The following ARHGAP15 variants were observed in gnomAD, a reference collection of about 807,000 sequenced individuals.
The protein encoded by ARHGAP15 is rho GTPase-activating protein 15.
ARHGAP15 carries 51 observed loss-of-function variants against 63.7 expected under a neutral mutation model. The ratio of observed to expected loss-of-function variants is 0.80; its 90% confidence interval spans 0.64 to 1.01. The LOEUF is 1.01. ARHGAP15 is among the 50% of genes least tolerant of loss of function. The pLI is 0.00. For missense variants in ARHGAP15, 560 were observed against 564.6 expected, an observed-to-expected ratio of 0.99 and a Z score of 0.08; for synonymous variants, 191 against 193.8, an observed-to-expected ratio of 0.99 and a Z score of 0.12.
At chr2:143,408,137 A>G (rs558789475) in intron 6 of ARHGAP15, among the ~76,000 whole-genome samples, 2 of 148,634 alleles carry the variant, frequency 1.3e-5, no homozygotes, top group East Asian at 3.9e-4. Context: ...TAATCTTGGT[A>G]TAGAAAGGGT....
intron 11 of ARHGAP15, among the ~76,000 whole-genome samples, chr2:143,600,313 T>A (rs1378425919): frequency 6.6e-6 from 1 of 152,188 alleles, no homozygotes; most frequent in African/African-American, 2.4e-5. Context: ...CCATCTTCAA[T>A]AGTTCCTATT....
In ARHGAP15 at chr2:143,228,568, T is replaced by C. The variant is rs757085970; in HGVS notation, c.297-13T>C. 4 of 1,576,698 alleles carry C rather than the reference T, an allele frequency of 2.5e-6. No individual in the cohort carries two copies. In the South Asian group the frequency reaches 3.4e-5, roughly 13 times the overall value. ...GATAATGCTTTCTTTCCCTTTTATT[T>C]TTTTGTCCTAAGGAAAAACTGGTCT... On this transcript the variant is annotated splice_polypyrimidine_tract_variant and intron_variant, in intron 4 of 13. Transcript: ENST00000295095.
chr2:143,484,985 C>T (rs1692259454), intron 8 of ARHGAP15, among the ~76,000 whole-genome samples: 1 of 152,168 alleles, frequency 6.6e-6, no homozygotes, highest in African/African-American at 2.4e-5. Flanking sequence ...GCCACAAGGA[C>T]TCAGGCTGTC....
intron 6 of ARHGAP15, among the ~76,000 whole-genome samples, chr2:143,335,046 T>A (rs936391314): frequency 3.3e-5 from 5 of 152,186 alleles, no homozygotes; most frequent in African/African-American, 1.2e-4. Flanking sequence ...ATTTGGGAAA[T>A]GTTGAGCATA....
chr2:143,140,398 A>C (rs1479101577), intron 1 of ARHGAP15, among the ~76,000 whole-genome samples: 1 of 152,178 alleles, frequency 6.6e-6, no homozygotes, highest in African/African-American at 2.4e-5. Context: ...AAAACAATTC[A>C]AAAACAGGTA....
chr2:143,223,499 A>T lies in ARHGAP15; in HGVS notation c.297-5082A>T, dbSNP rs1242287939. Among the ~76,000 whole-genome samples, 3 of 152,114 alleles carry T rather than the reference A, an allele frequency of 2.0e-5. No homozygotes were observed. The East Asian group carries it at 5.8e-4, about 29-fold the overall frequency. ...TAATTTTTGTCTCTCTGTGGAAAAA[A>T]TAGAAAACTATTCTCTCAAAGTTAT... On this transcript the variant is annotated intron_variant, in intron 4 of 13. Transcript: ENST00000295095.
chr2:143,311,193 C>T (rs1558883477), intron 6 of ARHGAP15, among the ~76,000 whole-genome samples: 1 of 151,820 alleles, frequency 6.6e-6, no homozygotes, highest in South Asian at 2.1e-4. Context: ...TAAACTGTAA[C>T]AGGAATCACC....
intron 8 of ARHGAP15, among the ~76,000 whole-genome samples, chr2:143,465,577 A>G (rs988756472): frequency 2.0e-5 from 3 of 152,120 alleles, no homozygotes; most frequent in Non-Finnish European, 2.9e-5. Context: ...TTTTAGCATA[A>G]AGGTAATGCT....
chr2:143,307,632 TG>T (rs1373674857), intron 6 of ARHGAP15, among the ~76,000 whole-genome samples: 1 of 151,932 alleles, frequency 6.6e-6, no homozygotes, highest in Non-Finnish European at 1.5e-5. Flanking sequence ...ATATTTTCAG[TG>T]TGAAAAGAGA....
chr2:143,764,071 GATT>G (rs1422181519), intron 13 of ARHGAP15, among the ~76,000 whole-genome samples: 1 of 151,936 alleles, frequency 6.6e-6, no homozygotes, highest in African/African-American at 2.4e-5. Flanking sequence ...TTTTAAATGA[GATT>G]ATTTAAAACG....
intron 8 of ARHGAP15, among the ~76,000 whole-genome samples, chr2:143,459,429 TAAAAC>T (rs900238772): frequency 6.6e-6 from 1 of 152,058 alleles, no homozygotes; most frequent in Non-Finnish European, 1.5e-5. Context: ...CATTTAAAAA[TAAAAC>T]TAAAGTAAGA....
At chr2:143,666,181 A>G (rs1474184524) in intron 12 of ARHGAP15, among the ~76,000 whole-genome samples, 1 of 151,348 alleles carries the variant, frequency 6.6e-6, no homozygotes, top group East Asian at 2.0e-4. Flanking sequence ...CTACAAGACT[A>G]CAGTAACCAA....
chr2:143,623,114 C>A (rs1698703448), intron 11 of ARHGAP15, among the ~76,000 whole-genome samples: 1 of 152,204 alleles, frequency 6.6e-6, no homozygotes, highest in South Asian at 2.1e-4. Flanking sequence ...AATCCAAAAC[C>A]TTTTCCATGT....
chr2:143,252,580 A>G (rs1355368976), intron 6 of ARHGAP15, among the ~76,000 whole-genome samples: 1 of 152,034 alleles, frequency 6.6e-6, no homozygotes, highest in Non-Finnish European at 1.5e-5. Flanking sequence ...AGGTGATCAT[A>G]AGGATATTGT....
At chr2:143,648,761 A>T (rs1170569816) in intron 12 of ARHGAP15, 1 of 152,002 alleles carries the variant, frequency 6.6e-6, no homozygotes, top group Non-Finnish European at 1.5e-5. Context: ...TGTAGTCACA[A>T]ATAAAATGTC....
At chr2:143,746,454 AT>A (rs1242110688) in intron 13 of ARHGAP15, among the ~76,000 whole-genome samples, 1 of 152,208 alleles carries the variant, frequency 6.6e-6, no homozygotes, top group Non-Finnish European at 1.5e-5. Context: ...ACAAACATGA[AT>A]GTCTGTTGAC....
At chr2:143,333,204 T>C (rs1281405356) in intron 6 of ARHGAP15, among the ~76,000 whole-genome samples, 1 of 152,206 alleles carries the variant, frequency 6.6e-6, no homozygotes, top group Admixed American at 6.5e-5. Flanking sequence ...TTGCTCTTCA[T>C]GAGAAATTTT....
At chr2:143,327,426 C>A (rs1244130099) in intron 6 of ARHGAP15, among the ~76,000 whole-genome samples, 1 of 152,098 alleles carries the variant, frequency 6.6e-6, no homozygotes, top group Non-Finnish European at 1.5e-5. Flanking sequence ...CAAAAAAGAG[C>A]CTGTATAGCC....
chr2:143,539,200 G>A (rs1044162342), intron 10 of ARHGAP15, among the ~76,000 whole-genome samples: 1 of 152,172 alleles, frequency 6.6e-6, no homozygotes, highest in Admixed American at 6.5e-5. Context: ...ATGGTAGTTT[G>A]TGTTTCTGTT....
Sources: allele counts gnomAD v4.1 joint callset (sites outside exome capture counted in the v4.1 genomes callset), GRCh38; gene constraint gnomAD v4.1.1; transcripts MANE v1.5; gene names NCBI Gene and HGNC (gene_info 2026-07-23, HGNC 2026-07-21).